The following CRYL1 variants were observed in gnomAD, a reference collection of about 807,000 sequenced individuals.
CRYL1 encodes the protein crystallin lambda 1.
In CRYL1, 29 loss-of-function variants were observed where a neutral mutation model predicts 36.6. That is an observed-to-expected ratio of 0.79 (90% confidence interval 0.59 to 1.08). The LOEUF (loss-of-function observed/expected upper bound fraction) is 1.08, where lower values mean the gene tolerates loss of function less well. CRYL1 is among the 50% of genes least tolerant of loss of function. The probability of loss-of-function intolerance (pLI) is 0.00; values close to 1 mark genes in which losing one functional copy is unlikely to be tolerated. For missense variants in CRYL1, 411 were observed against 407.9 expected, an observed-to-expected ratio of 1.01 and a Z score of -0.06; for synonymous variants, 152 against 151.5, an observed-to-expected ratio of 1.00 and a Z score of -0.02.
intron 2 of CRYL1, chr13:20,502,271 A>C (rs906922765): frequency 6.6e-6 from 1 of 152,330 alleles, no homozygotes; most frequent in Non-Finnish European, 1.5e-5. Flanking sequence ...TCTGTCGCAC[A>C]GGAGGGCTGT....
At chr13:20,458,434 A>G (rs1448420897) in intron 3 of CRYL1, among the ~76,000 whole-genome samples, 1 of 152,188 alleles carries the variant, frequency 6.6e-6, no homozygotes, top group Non-Finnish European at 1.5e-5. Context: ...TTGAAATCTT[A>G]ACATCTAGAC....
At chr13:20,494,985 G>A (rs11842273) in intron 2 of CRYL1, among the ~76,000 whole-genome samples, 22 of 152,220 alleles carry the variant, frequency 1.4e-4, no homozygotes, top group Non-Finnish European at 2.8e-4. Context: ...CCCGAGGGAC[G>A]TCCAGTGAAA....
chr13:20,423,770 C>CTT (rs1158080893), intron 5 of CRYL1, among the ~76,000 whole-genome samples: 2,329 of 100,134 alleles, frequency 0.023, 178 homozygotes, highest in African/African-American at 0.081. Flanking sequence ...GGTGTGGGTT[C>CTT]TTTTTTTTTT....
intron 2 of CRYL1, among the ~76,000 whole-genome samples, chr13:20,498,405 A>AATACACACTACACACACCAT (rs1294324580): frequency 6.6e-6 from 1 of 151,108 alleles, no homozygotes; most frequent in Non-Finnish European, 1.5e-5. Context: ...TATGCACACC[A>AATACACACTACACACACCAT]ATACACACTA....
At chr13:20,459,366 A>G (rs1351303437) in intron 3 of CRYL1, among the ~76,000 whole-genome samples, 2 of 152,218 alleles carry the variant, frequency 1.3e-5, no homozygotes, top group African/African-American at 2.4e-5. Context: ...CCAAAGGAAT[A>G]TAAATCATTC....
At chr13:20,453,371 TG>T (rs1229150593) in intron 3 of CRYL1, among the ~76,000 whole-genome samples, 1 of 130,468 alleles carries the variant, frequency 7.7e-6, no homozygotes, top group African/African-American at 2.6e-5. Flanking sequence ...GAAATTCTCA[TG>T]GGAAATTAGA....
intron 1 of CRYL1, among the ~76,000 whole-genome samples, chr13:20,519,587 A>AC (rs1306771653): frequency 4.6e-5 from 6 of 129,338 alleles, no homozygotes; most frequent in Admixed American, 1.7e-4. Flanking sequence ...ACATAGCGAG[A>AC]CCCCATCTTG....
intron 3 of CRYL1, among the ~76,000 whole-genome samples, chr13:20,478,203 G>A (rs971605016): frequency 6.6e-6 from 1 of 151,878 alleles, no homozygotes; most frequent in African/African-American, 2.4e-5. Flanking sequence ...GGCTTATCAT[G>A]TTTTTAACCT....
At chr13:20,476,096 T>G (rs1043644420) in intron 3 of CRYL1, among the ~76,000 whole-genome samples, 1 of 152,134 alleles carries the variant, frequency 6.6e-6, no homozygotes, top group Non-Finnish European at 1.5e-5. Flanking sequence ...AGCAGCCTCC[T>G]CTGCCAAAAC....
At position 20,424,481 on chromosome 13, in the gene CRYL1, A is replaced by G. The variant is rs4360789; in HGVS notation, c.633+7621T>C. On this transcript the variant is annotated intron_variant, in intron 5 of 7. Transcript: ENST00000298248. ...GGCACTTACTCCCACAGACACACTG[A>G]CCACCCAGACTTCAGAAGGCGCAGA... Among the ~76,000 whole-genome samples, 110,611 of 152,174 alleles carry G rather than the reference A, an allele frequency of 0.73. 41,432 individuals carry two copies. The highest frequency in any genetic ancestry group is 0.83 in the Admixed American group (12,772 of 15,300).
Position 20,512,464 on chromosome 13 carries a change from C to G in CRYL1, c.128G>C (p.Arg43Thr). Reference protein sequence around the residue: ...KLYDIEQQQIRNALENIRKEM... With the variant: ...KLYDIEQQQITNALENIRKEM... The stretch of plus-strand genomic sequence containing the variant: ...CCACCTGATGTTTTCCAGGGCGTTC[C>G]TTATCTGCTGTTGCTCAATGTCATA... The change falls in exon 2 of 8, where the codon AGG becomes ACG. Residue 43 changes from arginine (R) to threonine (T), a missense_variant. Transcript: ENST00000298248. The G allele has an allele frequency of 1.2e-6, 2 of 1,613,962 alleles. No individual in the cohort carries two copies. Among genetic ancestry groups the G allele is most frequent in the South Asian group, 2.2e-5 (2 of 91,050 alleles).
intron 2 of CRYL1, among the ~76,000 whole-genome samples, chr13:20,493,244 C>T (rs2033544650): frequency 6.6e-6 from 1 of 152,252 alleles, no homozygotes; most frequent in Non-Finnish European, 1.5e-5. Flanking sequence ...ACTACCATGA[C>T]TTCCACGGAC....
intron 3 of CRYL1, among the ~76,000 whole-genome samples, chr13:20,445,507 C>T (rs1015717622): frequency 2.0e-5 from 3 of 152,158 alleles, no homozygotes; most frequent in African/African-American, 7.2e-5. Context: ...AGATATGCTC[C>T]TAGCCTACCT....
intron 3 of CRYL1, among the ~76,000 whole-genome samples, chr13:20,441,953 A>G (rs1370018166): frequency 6.6e-6 from 1 of 152,228 alleles, no homozygotes; most frequent in Non-Finnish European, 1.5e-5. Flanking sequence ...TCAGTCATTT[A>G]AGAACTGTAA....
intron 3 of CRYL1, among the ~76,000 whole-genome samples, chr13:20,460,664 T>C (rs2032795309): frequency 6.6e-6 from 1 of 151,390 alleles, no homozygotes; most frequent in African/African-American, 2.4e-5. Flanking sequence ...TAGCCGGGAC[T>C]ACAGGCGCCC....
chr13:20,519,580 T>C (rs1347237132), intron 1 of CRYL1, among the ~76,000 whole-genome samples: 2 of 124,060 alleles, frequency 1.6e-5, no homozygotes, highest in African/African-American at 2.8e-5. Flanking sequence ...CTGGGCAACA[T>C]AGCGAGACCC....
intron 3 of CRYL1, among the ~76,000 whole-genome samples, chr13:20,480,073 G>A (rs1321802461): frequency 6.6e-6 from 1 of 152,168 alleles, no homozygotes; most frequent in Non-Finnish European, 1.5e-5. Flanking sequence ...ACATTATGAA[G>A]AAGAAACATT....
intron 1 of CRYL1, among the ~76,000 whole-genome samples, chr13:20,513,162 T>C (rs1174630604): frequency 6.6e-6 from 1 of 152,178 alleles, no homozygotes; most frequent in African/African-American, 2.4e-5. Context: ...AGCCCTCAAC[T>C]CCAGTGCTGG....
At chr13:20,493,378 G>A (rs1376548323) in intron 2 of CRYL1, among the ~76,000 whole-genome samples, 2 of 152,214 alleles carry the variant, frequency 1.3e-5, no homozygotes, top group Non-Finnish European at 2.9e-5. Context: ...TGCAGACCCA[G>A]GCCAGGCGCG....
Sources: allele counts gnomAD v4.1 joint callset (sites outside exome capture counted in the v4.1 genomes callset), GRCh38; gene constraint gnomAD v4.1.1; transcripts MANE v1.5; gene names NCBI Gene and HGNC (gene_info 2026-07-23, HGNC 2026-07-21).